The following SAMSN1 variants were observed in gnomAD, a reference collection of about 807,000 sequenced individuals.
SAMSN1 encodes the protein SAM domain, SH3 domain and nuclear localization signals 1, also known as SAM domain-containing protein SAMSN-1.
Under a neutral mutation model 42.0 loss-of-function variants are expected in SAMSN1, and 31 were observed. The ratio of observed to expected loss-of-function variants is 0.74; its 90% CI spans 0.55 to 1.00. The LOEUF is 1.00. SAMSN1 is among the 50% of genes least tolerant of loss of function. The probability of loss-of-function intolerance (pLI) is 0.00; values close to 1 mark genes in which losing one functional copy is unlikely to be tolerated. For missense variants in SAMSN1, 464 were observed against 439.4 expected, an observed-to-expected ratio of 1.06 and a Z score of -0.50; for synonymous variants, 178 against 151.9, an observed-to-expected ratio of 1.17 and a Z score of -1.26.
chr21:14,535,977 A>G (rs953855039), intron 1 of SAMSN1, among the ~76,000 whole-genome samples: 3 of 152,230 alleles, frequency 2.0e-5, no homozygotes, highest in African/African-American at 7.2e-5. Context: ...CTGTGGTGAC[A>G]AATGGCTCTC....
At chr21:14,489,521 G>A (rs1314425618) in intron 7 of SAMSN1, among the ~76,000 whole-genome samples, 2 of 151,942 alleles carry the variant, frequency 1.3e-5, no homozygotes, top group Non-Finnish European at 2.9e-5. Context: ...GCCCCCAAAT[G>A]GTTTGTAAAT....
intron 2 of SAMSN1, among the ~76,000 whole-genome samples, chr21:14,576,461 G>A (rs539761800): frequency 6.6e-6 from 1 of 152,246 alleles, no homozygotes; most frequent in Non-Finnish European, 1.5e-5. Context: ...GTTTTCTTGA[G>A]ACATATTAAA....
At chr21:14,644,687 C>A (rs1463147419) in intron 1 of SAMSN1, among the ~76,000 whole-genome samples, 1 of 152,132 alleles carries the variant, frequency 6.6e-6, no homozygotes, top group Non-Finnish European at 1.5e-5. Flanking sequence ...ACCAGCACAG[C>A]CACATGGGGG....
At chr21:14,594,954 C>T (rs1258720608) in intron 6 of SAMSN1, among the ~76,000 whole-genome samples, 2 of 152,088 alleles carry the variant, frequency 1.3e-5, no homozygotes, top group Non-Finnish European at 2.9e-5. Flanking sequence ...GGGGAGGCCT[C>T]AGGAAGCCTC....
chr21:14,521,352 C>G, intron 1 of SAMSN1, 131 bp from the exon 2 acceptor site: 1 of 583,912 alleles, frequency 1.7e-6, no homozygotes, highest in Non-Finnish European at 3.0e-6. Flanking sequence ...GCTCTTCTCT[C>G]TGGAATATCC....
chr21:14,521,172 G>A lies in SAMSN1; in HGVS notation c.107C>T (p.Ser36Leu), dbSNP rs1442701453. 1.9e-5 allele frequency: 31 copies of A among 1,609,970 alleles called. No individual in the cohort carries two copies. Among genetic ancestry groups the A allele is most frequent in the Non-Finnish European group, 2.5e-5 (30 of 1,177,354 alleles). ...NFDRFRNNSLSKPDDSTEAHE... is the reference protein window; with the variant it reads ...NFDRFRNNSLLKPDDSTEAHE... ...AACCTCAGTTGAATCATCTGGTTTT[G>A]ATAAAGAATTATTCCGAAAACGATC... is the stretch of plus-strand genomic sequence containing the variant. The change falls in exon 2 of 8, where the codon TCA becomes TTA. Residue 36 changes from serine (S) to leucine (L), a missense_variant. Coordinates refer to ENST00000400566, the MANE Select transcript of SAMSN1 (RefSeq NM_022136.5).
chr21:14,550,024 T>C (rs1457671694), upstream of SAMSN1, among the ~76,000 whole-genome samples: 2 of 152,138 alleles, frequency 1.3e-5, no homozygotes, highest in Admixed American at 1.3e-4. Flanking sequence ...ATAATTCAGA[T>C]GTTGGTGCCA....
chr21:14,511,726 G>A (rs548319577), intron 4 of SAMSN1, among the ~76,000 whole-genome samples: 49 of 152,234 alleles, frequency 3.2e-4, no homozygotes, highest in Non-Finnish European at 6.9e-4. Context: ...AATATCAATC[G>A]TTTCATCCAA....
intron 2 of SAMSN1, among the ~76,000 whole-genome samples, chr21:14,639,940 C>T (rs1415485375): frequency 6.6e-6 from 1 of 152,108 alleles, no homozygotes; most frequent in Non-Finnish European, 1.5e-5. Context: ...CCATTATCAA[C>T]CTTCCTGAAA....
intron 2 of SAMSN1, among the ~76,000 whole-genome samples, chr21:14,628,250 T>G (rs1983233902): frequency 6.6e-6 from 1 of 152,090 alleles, no homozygotes; most frequent in African/African-American, 2.4e-5. Context: ...CAATAATATA[T>G]TATAGTTTCA....
chr21:14,605,860 G>T (rs1158674395), intron 5 of SAMSN1, among the ~76,000 whole-genome samples: 5 of 137,066 alleles, frequency 3.6e-5, no homozygotes, highest in African/African-American at 1.4e-4. Flanking sequence ...TTATTTTTTT[G>T]AGATGGAGTC....
chr21:14,515,768 A>C (rs986110383), intron 3 of SAMSN1, among the ~76,000 whole-genome samples: 1 of 152,332 alleles, frequency 6.6e-6, no homozygotes, highest in Admixed American at 6.5e-5. Context: ...TTGCATCCAG[A>C]ATATATAAAA....
intron 5 of SAMSN1, among the ~76,000 whole-genome samples, chr21:14,504,913 C>G (rs1200603988): frequency 6.6e-6 from 1 of 152,198 alleles, no homozygotes; most frequent in African/African-American, 2.4e-5. Context: ...AGCAGAAACC[C>G]AACACGCTAG....
At position 14,545,626 on chromosome 21, in the gene SAMSN1, G is replaced by A. The variant is rs143630597; in HGVS notation, c.57+579C>T. Among the ~76,000 whole-genome samples, 101 of 151,910 alleles carry A rather than the reference G, an allele frequency of 6.6e-4. 2 individuals carry two copies. Among genetic ancestry groups the A allele is most frequent in the Admixed American group, 5.6e-3 (85 of 15,256 alleles). On this transcript the variant is annotated intron_variant, in intron 1 of 7. Coordinates refer to ENST00000400566, the MANE Select transcript of SAMSN1 (RefSeq NM_022136.5). ...CAATTTGTCAAGTCTACCAGTATAT[G>A]GTGTTTTGATGCTTCTCAAAACACA...
intron 2 of SAMSN1, among the ~76,000 whole-genome samples, chr21:14,622,006 G>A (rs1020543630): frequency 2.0e-5 from 3 of 152,190 alleles, no homozygotes; most frequent in African/African-American, 7.2e-5. Flanking sequence ...TAATACCCAG[G>A]CAAACAGGGT....
chr21:14,632,885 T>G (rs990750115), intron 2 of SAMSN1, among the ~76,000 whole-genome samples: 1 of 152,190 alleles, frequency 6.6e-6, no homozygotes, highest in Non-Finnish European at 1.5e-5. Flanking sequence ...CTGAATGCCT[T>G]TCCTAGTTCC....
At chr21:14,500,500 A>G (rs1488831832) in intron 6 of SAMSN1, 29 bp downstream of exon 6, 1 of 1,597,132 alleles carries the variant, frequency 6.3e-7, no homozygotes, top group Admixed American at 1.7e-5. Context: ...ACATGCTTCC[A>G]AAAGCAAACA....
At position 14,510,452 on chromosome 21, in the gene SAMSN1, G is replaced by T; in HGVS notation, c.419C>A (p.Thr140Lys). The T allele has an allele frequency of 6.2e-7, 1 of 1,614,178 alleles. No homozygotes were observed. Among genetic ancestry groups the T allele is most frequent in the Non-Finnish European group, 8.5e-7 (1 of 1,180,010 alleles). ...YSGQSSSSGITSCSDGTSNRD... is the reference protein window; with the variant it reads ...YSGQSSSSGIKSCSDGTSNRD... ...GTTACTTGTACCATCTGAACAGCTTGTTATGCCACCTGATGAAAGCAGAAG... is the reference window on the plus strand; with the variant it reads ...GTTACTTGTACCATCTGAACAGCTTTTTATGCCACCTGATGAAAGCAGAAG... Residue 140 changes from threonine (T) to lysine (K), a missense_variant, in exon 5 of 8, where the codon ACA becomes AAA. Coordinates refer to ENST00000400566, the MANE Select transcript of SAMSN1 (RefSeq NM_022136.5).
intron 1 of SAMSN1, among the ~76,000 whole-genome samples, chr21:14,534,016 A>G (rs1216485359): frequency 6.6e-6 from 1 of 152,192 alleles, no homozygotes; most frequent in African/African-American, 2.4e-5. Context: ...CTGCAAAGCA[A>G]CACCCTTTTG....
Sources: allele counts gnomAD v4.1 joint callset (sites outside exome capture counted in the v4.1 genomes callset), GRCh38; gene constraint gnomAD v4.1.1; transcripts MANE v1.5; gene names NCBI Gene and HGNC (gene_info 2026-07-23, HGNC 2026-07-21).